DNAH10: variants seen among roughly 807,000 people sequenced by gnomAD.
DNAH10 encodes the protein dynein axonemal heavy chain 10.
DNAH10 carries 348 observed loss-of-function variants against 506.6 expected under a neutral mutation model. That is an observed-to-expected ratio of 0.69 (90% CI 0.63 to 0.75). The LOEUF (loss-of-function observed/expected upper bound fraction) is 0.75, where lower values mean the gene tolerates loss of function less well. Ranked by LOEUF, DNAH10 falls within the 30% of genes least tolerant of loss-of-function variation. The pLI is 0.00. For synonymous variants in DNAH10, 2,059 were observed against 2,198.6 expected (o/e 0.94, Z 1.78); for missense variants, 5,179 against 5,787.1 (o/e 0.89, Z 3.41).
At chr12:123,867,423 A>G in intron 41 of DNAH10, 44 bp from the exon 42 acceptor site, 1 of 1,578,740 alleles carries the variant, frequency 6.3e-7, no homozygotes, top group Non-Finnish European at 8.6e-7. Flanking sequence ...TTCCATTTAA[A>G]TAAACAAACC....
At chr12:123,796,865 GTATT>G (rs1958295331) in intron 13 of DNAH10, 33 bp downstream of exon 13, 1 of 1,503,168 alleles carries the variant, frequency 6.7e-7, no homozygotes, top group African/African-American at 1.5e-5. Flanking sequence ...GGCTCCTTTT[GTATT>G]TGATTTTTTT....
In DNAH10 at chr12:123,934,740, A is replaced by G. The variant is rs187199487; in HGVS notation, c.13597A>G (p.Ile4533Val). Residue 4533 changes from isoleucine (I) to valine (V), a missense_variant, in exon 78 of 79, where the codon ATT becomes GTT. Transcript: ENST00000673944. ...VDLPILKIIP[I>V]EAHRLKLQNT... The stretch of plus-strand genomic sequence containing the variant: ...CCTGCCGATCCTGAAGATCATCCCC[A>G]TTGAAGCCCATCGCCTCAAGCTGCA... 1,065 of 1,613,882 alleles carry G rather than the reference A, an allele frequency of 6.6e-4. 2 individuals carry two copies. The highest frequency in any genetic ancestry group is 7.8e-4 in the Non-Finnish European group (920 of 1,179,876).
chr12:123,799,527 G>A (rs887914439), intron 14 of DNAH10, among the ~76,000 whole-genome samples, 156 bp downstream of exon 14: 6 of 152,060 alleles, frequency 3.9e-5, no homozygotes, highest in Non-Finnish European at 8.8e-5. Context: ...GGAAAGAGTG[G>A]AGATGGCACG....
chr12:123,870,572 C>G (rs1005327923), intron 44 of DNAH10, 87 bp downstream of exon 44: 1 of 1,504,572 alleles, frequency 6.6e-7, no homozygotes, highest in Non-Finnish European at 8.9e-7. Context: ...CATGGCTTCT[C>G]TGGTACTCTA....
Position 123,914,653 on chromosome 12 carries a change from A to G in DNAH10, c.10574+103A>G, listed in dbSNP as rs1954384647. ...AGGCAATGGCCTGGGGGGCATCACC[A>G]GGACCACAGTTGGCTCGACTGCATG... On this transcript the variant is annotated intron_variant, in intron 61 of 78. Transcript: ENST00000673944. 7.7e-6 allele frequency: 11 copies of G among 1,426,590 alleles called. 1 individual carries two copies. The highest frequency in any genetic ancestry group is 1.0e-5 in the Non-Finnish European group (11 of 1,066,130). 88.4% of individuals were successfully genotyped at this position (1,426,590 alleles called of 1,614,324 possible). A position where few individuals can be genotyped will look rare whatever the true frequency, so the allele number is the denominator to read the frequency against.
At chr12:123,864,542 C>T in intron 39 of DNAH10, 53 bp from the exon 40 acceptor site, 1 of 1,582,206 alleles carries the variant, frequency 6.3e-7, no homozygotes, top group South Asian at 1.2e-5. Flanking sequence ...TACCAAGTTC[C>T]ATAATTGGAA....
At position 123,826,820 on chromosome 12, in the gene DNAH10, A is replaced by G. The variant is rs752593516; in HGVS notation, c.4313A>G (p.Tyr1438Cys). Reference protein sequence around the residue: ...RPVRGLSVTYYLEAKMKAFKD... With the variant: ...RPVRGLSVTYCLEAKMKAFKD... The stretch of plus-strand genomic sequence containing the variant: ...GTCCGTGGCTTATCAGTGACCTACT[A>G]CTTGGAAGCAAAAATGAAGGCATTC... Residue 1438 changes from tyrosine (Y) to cysteine (C), a missense_variant, in exon 25 of 79, where the codon TAC (tyrosine) becomes TGC (cysteine). Tyr to Cys is a radical substitution (Grantham distance 194). Transcript: ENST00000673944. The G allele has an allele frequency of 1.2e-6, 2 of 1,614,000 alleles. No individual in the cohort carries two copies. Among genetic ancestry groups the G allele is most frequent in the Admixed American group, 1.7e-5 (1 of 60,026 alleles).
chr12:123,879,751 C>A lies in DNAH10; in HGVS notation c.8584C>A (p.Arg2862Ser), dbSNP rs184163815. The A allele has an allele frequency of 6.2e-7, 1 of 1,614,022 alleles. No individual in the cohort carries two copies. Among genetic ancestry groups the A allele is most frequent in the Admixed American group, 1.7e-5 (1 of 60,024 alleles). ...GATGGCTCTGCACGAAGGAGAACCA[C>A]GCATTTATGAAGACATCCAGGACTA... ...FQMALHEGEP[R>S]IYEDIQDYEA... Residue 2862 changes from arginine to serine, a missense_variant, in exon 50 of 79, where the codon CGC (arginine) becomes AGC (serine). Around this residue, in one of 3 missense-constraint regions of DNAH10, gnomAD observed 4,844 missense variants for 5,430.5 expected, o/e 0.89. Transcript: ENST00000673944.
chr12:123,910,465 TTATTTTGTC>T, intron 58 of DNAH10, 62 bp from the exon 59 acceptor site: 3 of 1,562,446 alleles, frequency 1.9e-6, no homozygotes. Context: ...CTAGTTATGC[TTATTTTGTC>T]TATTTTATGC....
intron 30 of DNAH10, among the ~76,000 whole-genome samples, chr12:123,844,946 A>G (rs924025887): frequency 2.0e-5 from 3 of 152,112 alleles, no homozygotes; most frequent in Admixed American, 2.0e-4. Context: ...AGCCTGGAAT[A>G]TTGTTTTACT....
chr12:123,865,180 T>A (rs944766229), intron 40 of DNAH10, among the ~76,000 whole-genome samples: 1 of 152,246 alleles, frequency 6.6e-6, no homozygotes, highest in African/African-American at 2.4e-5. Flanking sequence ...ACATTTACTT[T>A]CTTTTAGAGC....
chr12:123,927,146 T>C, intron 69 of DNAH10: 1 of 295,398 alleles, frequency 3.4e-6, no homozygotes, highest in South Asian at 4.3e-5. Flanking sequence ...GATTGTGAAG[T>C]GATCGTCCTG....
chr12:123,862,942 C>G (rs1337987248), intron 39 of DNAH10, among the ~76,000 whole-genome samples: 1 of 151,744 alleles, frequency 6.6e-6, no homozygotes, highest in Non-Finnish European at 1.5e-5. Flanking sequence ...AGAGAGAGTG[C>G]GAATGTGGCA....
Position 123,902,553 on chromosome 12 carries a change from T to C in DNAH10, c.9641-386T>C, listed in dbSNP as rs1009972687. 2.6e-5 allele frequency among the ~76,000 whole-genome samples: 4 copies of C among 151,948 alleles called. No individual in the cohort carries two copies. Among genetic ancestry groups the C allele is most frequent in the Admixed American group, 6.6e-5 (1 of 15,264 alleles). ...GGCTCTGGCTGGGCCCGAGTGAGCG[T>C]AGGAAGAGGCGATGAGAGGCAGAAG... On this transcript the variant is annotated intron_variant, in intron 56 of 78. Coordinates refer to ENST00000673944, the MANE Select transcript of DNAH10 (RefSeq NM_001372106.1). This position sits in a 1 kb window ranked among gnomAD's most constrained non-coding sequence, Gnocchi z 4.5.
chr12:123,801,241 G>A (rs1219987951), intron 15 of DNAH10, 40 bp from the exon 16 acceptor site: 1 of 1,594,278 alleles, frequency 6.3e-7, no homozygotes, highest in Non-Finnish European at 8.5e-7. Context: ...TGAGCTTAAA[G>A]GTGCTCTCCT....
At position 123,799,355 on chromosome 12, in the gene DNAH10, A is replaced by G; in HGVS notation, c.2273A>G (p.Lys758Arg). 6.2e-7 allele frequency: 1 copy of G among 1,612,274 alleles called. No individual in the cohort carries two copies. The highest frequency in any genetic ancestry group is 8.5e-7 in the Non-Finnish European group (1 of 1,178,656). The change falls in exon 14 of 79, where the codon AAG becomes AGG. Residue 758 changes from lysine (K) to arginine (R), a missense_variant. This residue lies in a region of DNAH10 where 4,844 missense variants were observed against 5,430.5 expected (regional missense o/e 0.89). Transcript: ENST00000673944. ...TEQVLPALMK[K>R]SLLTKSSIAT... Reference sequence around the variant, plus strand: ...CAGGTGCTGCCAGCTCTCATGAAGAAGAGCCTTTTGACCAAGGTGCGCTGC... The same window carrying G: ...CAGGTGCTGCCAGCTCTCATGAAGAGGAGCCTTTTGACCAAGGTGCGCTGC...
At position 123,793,945 on chromosome 12, in the gene DNAH10, A is replaced by G. The variant is rs1044480170; in HGVS notation, c.1819A>G (p.Ile607Val). The change falls in exon 12 of 79, where the codon ATT becomes GTT. Residue 607 changes from isoleucine to valine, a missense_variant. By Grantham distance (29) the Ile-to-Val change is conservative. Coordinates refer to ENST00000673944, the MANE Select transcript of DNAH10 (RefSeq NM_001372106.1). ...MDEFKIEVLV[I>V]EKEAKHFIDE... is the part of the protein sequence containing the mutation. ...TGTTTTGTTGATTTTTTTGCAGGTT[A>G]TTGAGAAAGAAGCAAAACATTTTAT... 12 of 1,212,432 alleles carry G rather than the reference A, an allele frequency of 9.9e-6. No homozygotes were observed. The African/African-American group carries it at 1.7e-4, about 17-fold the overall frequency. 75.1% of individuals were successfully genotyped at this position (1,212,432 alleles called of 1,614,324 possible).
chr12:123,781,014 C>T (rs1027001310), intron 5 of DNAH10, 66 bp from the exon 6 acceptor site: 1 of 1,214,266 alleles, frequency 8.2e-7, no homozygotes, highest in South Asian at 1.6e-5. Context: ...AAACCAGAGG[C>T]AATTTGAATA....
chr12:123,926,021 C>G lies in DNAH10; in HGVS notation c.11922-616C>G, dbSNP rs1320549631. ...GGAGGATCGCTTGAGGCCAGGAGTT[C>G]GAGACCCAGCCTGGGCAACATAGTG... On this transcript the variant is annotated intron_variant, in intron 68 of 78. Coordinates refer to ENST00000673944, the MANE Select transcript of DNAH10 (RefSeq NM_001372106.1). The surrounding 1 kb of genome is among the most constrained non-coding windows in gnomAD (Gnocchi z 4.1). 6.6e-6 allele frequency: 1 copy of G among 151,964 alleles called. No individual in the cohort carries two copies. Among genetic ancestry groups the G allele is most frequent in the Admixed American group, 6.6e-5 (1 of 15,250 alleles). 9.4% of individuals were successfully genotyped at this position (151,964 alleles called of 1,614,324 possible). A position where few individuals can be genotyped will look rare whatever the true frequency, so the allele number is the denominator to read the frequency against.
Sources: gnomAD v4.1 joint callset for allele counts (sites outside exome capture counted in the v4.1 genomes callset) on GRCh38, gnomAD v4.1.1 for gene constraint, gnomAD v4.1.1 regional missense constraint, Gnocchi (gnomAD v3.1) non-coding constraint, MANE v1.5 for transcripts, NCBI Gene and HGNC (gene_info 2026-07-23, HGNC 2026-07-21) for gene names.